CPLX1: variants seen among roughly 807,000 people sequenced by gnomAD.
CPLX1 encodes the protein complexin 1.
CPLX1 carries 6 observed loss-of-function variants against 15.6 expected under a neutral mutation model. The ratio of observed to expected loss-of-function variants is 0.39; its 90% CI spans 0.21 to 0.76. The LOEUF is 0.76. Ranked by LOEUF, CPLX1 falls within the 30% of genes least tolerant of loss-of-function variation. The pLI is 0.43. For synonymous variants in CPLX1, 91 were observed against 75.2 expected (o/e 1.21, Z -1.08); for missense variants, 242 against 188.6 (o/e 1.28, Z -1.66).
rs1403684105 is a variant in CPLX1, at chr4:785,805, GGCGGGGGGCGAGGACTTGGGAAGA to G, written c.*672_*695del. ...CGTGGGCGGAGAGGCTAGGAGGCCG[GGCGGGGGGCGAGGACTTGGGAAGA>G]GCGGGGTGACGGGGGTGGGGGCTGG... On this transcript the variant is annotated 3_prime_UTR_variant, in exon 4 of 4. Coordinates refer to ENST00000304062, the MANE Select transcript of CPLX1 (RefSeq NM_006651.4). 6.5e-6 allele frequency: 1 copy of G among 152,748 alleles called. No homozygotes were observed. Among genetic ancestry groups the G allele is most frequent in the Admixed American group, 6.5e-5 (1 of 15,296 alleles). 9.5% of individuals were successfully genotyped at this position (152,748 alleles called of 1,614,324 possible).
chr4:785,473 C>T lies in CPLX1; in HGVS notation c.*1028G>A, dbSNP rs1745952710. 6.6e-6 allele frequency: 1 copy of T among 152,576 alleles called. No homozygotes were observed. Among genetic ancestry groups the T allele is most frequent in the East Asian group, 1.9e-4 (1 of 5,190 alleles). 9.5% of individuals were successfully genotyped at this position (152,576 alleles called of 1,614,324 possible). ...CGAGGCGGCGCCTGTCAAGATAAAACTCATTAAATGCAAAGACCTCATTTA... is the reference window on the plus strand; with the variant it reads ...CGAGGCGGCGCCTGTCAAGATAAAATTCATTAAATGCAAAGACCTCATTTA... On this transcript the variant is annotated 3_prime_UTR_variant, in exon 4 of 4. Coordinates refer to ENST00000304062, the MANE Select transcript of CPLX1 (RefSeq NM_006651.4).
In CPLX1 at chr4:792,133, C is replaced by T. The variant is rs372284331; in HGVS notation, c.207+300G>A. On this transcript the variant is annotated intron_variant, in intron 3 of 3. Transcript: ENST00000304062. ...GCCAGGTGGCCGCCCCACGACCCCT[C>T]GGCCCAGGGCCCCAGGCAGCCAGCC... Among the ~76,000 whole-genome samples, 17 of 151,980 alleles carry T rather than the reference C, an allele frequency of 1.1e-4. No individual in the cohort carries two copies. In the East Asian group the frequency reaches 3.1e-3, roughly 28 times the overall value.
intron 2 of CPLX1, among the ~76,000 whole-genome samples, chr4:817,405 A>G (rs1675536020): frequency 6.6e-6 from 1 of 151,614 alleles, no homozygotes; most frequent in Non-Finnish European, 1.5e-5. Flanking sequence ...AAAAAAAAAA[A>G]AAATTAGCCA....
Position 786,643 on chromosome 4 carries a change from G to A in CPLX1, c.263C>T (p.Ala88Val), listed in dbSNP as rs201454875. The stretch of plus-strand genomic sequence containing the variant: ...CCGCGTCAAGCTCCCCTCGGAGTTG[G>A]CCTCCATGGCGGCCTGGGCCTCGGC... Reference protein sequence around the residue: ...REAEAQAAMEANSEGSLTRPK... With the variant: ...REAEAQAAMEVNSEGSLTRPK... Residue 88 changes from alanine to valine, a missense_variant, in exon 4 of 4, where the codon GCC (alanine) becomes GTC (valine). Coordinates refer to ENST00000304062, the MANE Select transcript of CPLX1 (RefSeq NM_006651.4). The A allele has an allele frequency of 1.2e-6, 2 of 1,612,336 alleles. No homozygotes were observed. The highest frequency in any genetic ancestry group is 2.2e-5 in the East Asian group (1 of 44,802).
intron 2 of CPLX1, chr4:804,873 C>T (rs965443655): frequency 2.1e-4 from 204 of 985,128 alleles, no homozygotes; most frequent in Non-Finnish European, 2.4e-4. Context: ...AGGTGGGCGG[C>T]GGCAGCCATT....
intron 3 of CPLX1, among the ~76,000 whole-genome samples, chr4:789,151 C>T (rs966732156): frequency 6.6e-6 from 1 of 152,208 alleles, no homozygotes; most frequent in Admixed American, 6.5e-5. Flanking sequence ...GCCGGGAAAA[C>T]AGGCTCCGGG....
chr4:814,628 A>G (rs535494040), intron 2 of CPLX1, among the ~76,000 whole-genome samples: 37 of 152,276 alleles, frequency 2.4e-4, no homozygotes, highest in African/African-American at 7.0e-4. Context: ...CTTGTTTCCT[A>G]TTGCAGTGGT....
chr4:795,815 G>A (rs1285320833), intron 2 of CPLX1, among the ~76,000 whole-genome samples: 2 of 149,890 alleles, frequency 1.3e-5, no homozygotes, highest in African/African-American at 4.9e-5. Flanking sequence ...TGGGGGGGGG[G>A]TGCAGATCGC....
intron 2 of CPLX1, among the ~76,000 whole-genome samples, chr4:819,224 A>C (rs538979450): frequency 6.6e-6 from 1 of 152,380 alleles, no homozygotes; most frequent in South Asian, 2.1e-4. Context: ...AAAAACATAA[A>C]TAACTTTGTC....
chr4:820,229 T>C (rs1746836215), intron 2 of CPLX1, among the ~76,000 whole-genome samples: 1 of 149,424 alleles, frequency 6.7e-6, no homozygotes. Context: ...AGCTCCACCG[T>C]CCTCCCGGAC....
chr4:818,330 A>G (rs1004940803), intron 2 of CPLX1, among the ~76,000 whole-genome samples: 1 of 152,212 alleles, frequency 6.6e-6, no homozygotes, highest in African/African-American at 2.4e-5. Flanking sequence ...TACTTTGTCA[A>G]GCTGATTGTG....
intron 3 of CPLX1, among the ~76,000 whole-genome samples, chr4:789,579 G>A (rs963585523): frequency 6.6e-6 from 1 of 152,192 alleles, no homozygotes; most frequent in African/African-American, 2.4e-5. Context: ...GAAGGCCCAG[G>A]TGTGGGCTGC....
At position 786,649 on chromosome 4, in the gene CPLX1, A is replaced by T; in HGVS notation, c.257T>A (p.Met86Lys). 1 of 1,610,682 alleles carries T rather than the reference A, an allele frequency of 6.2e-7. No individual in the cohort carries two copies. The highest frequency in any genetic ancestry group is 1.7e-4 in the Middle Eastern group (1 of 5,952). Residue 86 changes from methionine (M) to lysine (K), a missense_variant, in exon 4 of 4, where the codon ATG becomes AAG. By Grantham distance (95) the Met-to-Lys change is moderately conservative (BLOSUM62 -1). Coordinates refer to ENST00000304062, the MANE Select transcript of CPLX1 (RefSeq NM_006651.4). Reference protein sequence around the residue: ...EEREAEAQAAMEANSEGSLTR... With the variant: ...EEREAEAQAAKEANSEGSLTR... ...CAAGCTCCCCTCGGAGTTGGCCTCC[A>T]TGGCGGCCTGGGCCTCGGCCTCGCG... is the stretch of plus-strand genomic sequence containing the variant.
At chr4:808,547 G>A (rs1028296162) in intron 2 of CPLX1, among the ~76,000 whole-genome samples, 5 of 152,262 alleles carry the variant, frequency 3.3e-5, no homozygotes, top group African/African-American at 9.6e-5. Flanking sequence ...CAAAGCTAAC[G>A]GCAAAACGAA....
At chr4:808,560 C>T (rs904599662) in intron 2 of CPLX1, among the ~76,000 whole-genome samples, 6 of 152,146 alleles carry the variant, frequency 3.9e-5, no homozygotes, top group East Asian at 1.9e-4. Context: ...AAAACGAATC[C>T]GTCCAGAAAG....
intron 2 of CPLX1, among the ~76,000 whole-genome samples, chr4:794,006 C>T (rs138047992): frequency 1.1e-4 from 17 of 152,366 alleles, no homozygotes; most frequent in African/African-American, 3.4e-4. Context: ...GGTTCCCCCT[C>T]GCCATTACTA....
At chr4:786,971 G>T (rs1048740256) in intron 3 of CPLX1, 1 of 985,194 alleles carries the variant, frequency 1.0e-6, no homozygotes, top group Non-Finnish European at 1.2e-6. Flanking sequence ...AGAGAGGGCT[G>T]TGGCCCCACC....
chr4:816,911 T>G (rs982904642), intron 2 of CPLX1, among the ~76,000 whole-genome samples: 30 of 152,172 alleles, frequency 2.0e-4, no homozygotes, highest in Non-Finnish European at 4.0e-4. Flanking sequence ...GGACTGGAAA[T>G]ACACTGCATC....
At chr4:787,184 G>A in intron 3 of CPLX1, 1 of 985,320 alleles carries the variant, frequency 1.0e-6, no homozygotes, top group Non-Finnish European at 1.2e-6. Context: ...TGCGGCCGCG[G>A]CCCCAGCAGG....
Sources: allele counts gnomAD v4.1 joint callset (sites outside exome capture counted in the v4.1 genomes callset), GRCh38; gene constraint gnomAD v4.1.1; transcripts MANE v1.5; gene names NCBI Gene and HGNC (gene_info 2026-07-23, HGNC 2026-07-21).